Variants in OPRPN observed in about 807,000 individuals in gnomAD.
The protein encoded by OPRPN is opiorphin prepropeptide.
A neutral mutation model predicts 2.2 loss-of-function variants in OPRPN; 1 was observed. The ratio of observed to expected loss-of-function variants is 0.45; its 90% CI spans 0.16 to 2.15. OPRPN has a LOEUF of 2.15. Ranked by LOEUF, OPRPN falls within the 30% of genes most tolerant of loss-of-function variation. OPRPN has a pLI of 0.28. For synonymous variants in OPRPN, 126 were observed against 111.5 expected (o/e 1.13, Z -0.82); for missense variants, 306 against 297.3 (o/e 1.03, Z -0.21).
chr4:70,404,524 T>G (rs1733046462), intron 2 of OPRPN, among the ~76,000 whole-genome samples: 1 of 152,136 alleles, frequency 6.6e-6, no homozygotes, highest in African/African-American at 2.4e-5. Context: ...AATCTTACCC[T>G]TTCTCACCAC....
intron 2 of OPRPN, among the ~76,000 whole-genome samples, chr4:70,406,970 C>A (rs1733103017): frequency 6.6e-6 from 1 of 152,114 alleles, no homozygotes; most frequent in Non-Finnish European, 1.5e-5. Flanking sequence ...TAAAGTAGAA[C>A]TGGCACAGCA....
At chr4:70,399,611 C>T (rs942108196) in intron 2 of OPRPN, 1 of 240,028 alleles carries the variant, frequency 4.2e-6, no homozygotes, top group Non-Finnish European at 7.9e-6. Flanking sequence ...ATATCTCTTC[C>T]TTTTTATTTC....
chr4:70,409,265 G>A (rs1733157219), intron 2 of OPRPN, 115 bp from the exon 3 acceptor site: 2 of 776,642 alleles, frequency 2.6e-6, no homozygotes, highest in Non-Finnish European at 4.0e-6. Context: ...TTATGGCTTA[G>A]TATATCCTAA....
rs762225791 is a variant in OPRPN at position 70,409,460 on chromosome 4, G to T, written c.132G>T (p.Trp44Cys). 3.7e-6 allele frequency: 6 copies of T among 1,613,824 alleles called. No homozygotes were observed. The East Asian group carries it at 8.9e-5, about 24-fold the overall frequency. Residue 44 changes from tryptophan (W) to cysteine (C), a missense_variant, in exon 3 of 3, where the codon TGG becomes TGT. Transcript: ENST00000399575. ...CACCTCCACTCTACAGGCCAAGATGGGTTCCACCAAGTCCCCCACCTCCCT... is the reference window on the plus strand; with the variant it reads ...CACCTCCACTCTACAGGCCAAGATGTGTTCCACCAAGTCCCCCACCTCCCT... ...LPPPPLYRPR[W>C]VPPSPPPPYD...
intron 2 of OPRPN, among the ~76,000 whole-genome samples, chr4:70,405,713 G>C (rs1381004809): frequency 6.6e-6 from 1 of 152,080 alleles, no homozygotes; most frequent in East Asian, 1.9e-4. Flanking sequence ...AATGTTAGCA[G>C]CCATGACTTA....
At chr4:70,401,213 AC>A (rs957828687) in intron 2 of OPRPN, among the ~76,000 whole-genome samples, 81 of 152,232 alleles carry the variant, frequency 5.3e-4, no homozygotes, top group African/African-American at 1.9e-3. Context: ...TCCTAAAAAA[AC>A]ATGAGTTTAA....
chr4:70,399,349 A>G lies in OPRPN; in HGVS notation c.51+13A>G. 4 of 1,566,190 alleles carry G rather than the reference A, an allele frequency of 2.6e-6. No individual in the cohort carries two copies. The highest frequency in any genetic ancestry group is 3.5e-6 in the Non-Finnish European group (4 of 1,140,150). On this transcript the variant is annotated intron_variant, in intron 2 of 2. Coordinates refer to ENST00000399575, the MANE Select transcript of OPRPN (RefSeq NM_021225.5). ...TTCATGTTTCACAGTAAGTTCCCTCAATTCTAAATTTACTTGTTATATTTA... is the reference window on the plus strand; with the variant it reads ...TTCATGTTTCACAGTAAGTTCCCTCGATTCTAAATTTACTTGTTATATTTA...
intron 1 of OPRPN, among the ~76,000 whole-genome samples, chr4:70,398,909 T>A (rs1026998056): frequency 6.6e-6 from 1 of 151,960 alleles, no homozygotes; most frequent in Non-Finnish European, 1.5e-5. Context: ...AAGCTTTGAC[T>A]AATTTTAAGT....
intron 2 of OPRPN, among the ~76,000 whole-genome samples, chr4:70,403,414 A>G (rs1405959595): frequency 6.6e-6 from 1 of 152,230 alleles, no homozygotes; most frequent in African/African-American, 2.4e-5. Flanking sequence ...TTTGGCCCAC[A>G]GCCTTAGTTT....
At position 70,399,352 on chromosome 4, in the gene OPRPN, T is replaced by A; in HGVS notation, c.51+16T>A. The A allele has an allele frequency of 6.4e-7, 1 of 1,564,424 alleles. No homozygotes were observed. Among genetic ancestry groups the A allele is most frequent in the Non-Finnish European group, 8.8e-7 (1 of 1,138,354 alleles). ...ATGTTTCACAGTAAGTTCCCTCAAT[T>A]CTAAATTTACTTGTTATATTTATTG... On this transcript the variant is annotated intron_variant, in intron 2 of 2. Transcript: ENST00000399575.
chr4:70,404,791 C>T lies in OPRPN; in HGVS notation c.52-4589C>T, dbSNP rs180747374. Among the ~76,000 whole-genome samples, 16 of 152,286 alleles carry T rather than the reference C, an allele frequency of 1.1e-4. No homozygotes were observed. In the East Asian group the frequency reaches 2.9e-3, roughly 28 times the overall value. On this transcript the variant is annotated intron_variant, in intron 2 of 2. Coordinates refer to ENST00000399575, the MANE Select transcript of OPRPN (RefSeq NM_021225.5). ...CTGCTTTGTCCTCCCCGCACCTTAA[C>T]TCCAATATATCTATGTAACAAAATT...
intron 2 of OPRPN, among the ~76,000 whole-genome samples, chr4:70,403,612 T>C (rs1262834109): frequency 6.6e-6 from 1 of 152,198 alleles, no homozygotes; most frequent in Non-Finnish European, 1.5e-5. Flanking sequence ...TTATTTGTCA[T>C]TTTAATTATT....
At position 70,409,595 on chromosome 4, in the gene OPRPN, A is replaced by C; in HGVS notation, c.267A>C (p.Pro89=). ...CAGTCATTCTATCTCAACTCTTTCC[A>C]TTGGAATCTATTAGACAACCTCGAC... ...SQAVILSQLF[P]LESIRQPRLF... The change falls in exon 3 of 3, where the codon CCA becomes CCC. Residue 89 remains proline, a synonymous_variant. Transcript: ENST00000399575. 6.2e-7 allele frequency: 1 copy of C among 1,613,594 alleles called. No homozygotes were observed. The highest frequency in any genetic ancestry group is 8.5e-7 in the Non-Finnish European group (1 of 1,179,614).
At chr4:70,405,690 C>G (rs1174640937) in intron 2 of OPRPN, among the ~76,000 whole-genome samples, 3 of 152,118 alleles carry the variant, frequency 2.0e-5, no homozygotes, top group Non-Finnish European at 4.4e-5. Flanking sequence ...CTCTTGACAC[C>G]TATATCTTCA....
At chr4:70,404,804 A>G (rs1733052237) in intron 2 of OPRPN, among the ~76,000 whole-genome samples, 1 of 152,190 alleles carries the variant, frequency 6.6e-6, no homozygotes, top group Non-Finnish European at 1.5e-5. Flanking sequence ...CAATATATCT[A>G]TGTAACAAAA....
At chr4:70,409,008 C>A (rs981855918) in intron 2 of OPRPN, among the ~76,000 whole-genome samples, 1 of 152,146 alleles carries the variant, frequency 6.6e-6, no homozygotes, top group Non-Finnish European at 1.5e-5. Flanking sequence ...AGAATTTTCC[C>A]AGATAGTCAA....
At position 70,409,894 on chromosome 4, in the gene OPRPN, C is replaced by A. The variant is rs1232727357; in HGVS notation, c.566C>A (p.Ala189Asp). The change falls in exon 3 of 3, where the codon GCC (alanine) becomes GAC (aspartate). Residue 189 changes from alanine (A) to aspartate (D), a missense_variant. Coordinates refer to ENST00000399575, the MANE Select transcript of OPRPN (RefSeq NM_021225.5). ...TVPISSTPEP[A>D]TSISAATPAA... Reference sequence around the variant, plus strand: ...CCTATCTCTTCAACACCAGAGCCTGCCACCTCCATATCAGCAGCAACCCCC... The same window carrying A: ...CCTATCTCTTCAACACCAGAGCCTGACACCTCCATATCAGCAGCAACCCCC... The A allele has an allele frequency of 6.2e-7, 1 of 1,613,862 alleles. No individual in the cohort carries two copies. Among genetic ancestry groups the A allele is most frequent in the Admixed American group, 1.7e-5 (1 of 59,992 alleles).
In OPRPN at chr4:70,409,936, A is replaced by C. The variant is rs186028605; in HGVS notation, c.608A>C (p.Asn203Thr). 2.7e-5 allele frequency: 43 copies of C among 1,614,056 alleles called. No individual in the cohort carries two copies. In the African/African-American group the frequency reaches 5.6e-4, roughly 21 times the overall value. ...SAATPAASTENTTQILANRPH... is the reference protein window; with the variant it reads ...SAATPAASTETTTQILANRPH... Reference sequence around the variant, plus strand: ...GCAACCCCCGCAGCATCTACTGAAAATACTACTCAAATTCTCGCCAACCGT... The same window carrying C: ...GCAACCCCCGCAGCATCTACTGAAACTACTACTCAAATTCTCGCCAACCGT... The change falls in exon 3 of 3, where the codon AAT becomes ACT. Residue 203 changes from asparagine (N) to threonine (T), a missense_variant. Coordinates refer to ENST00000399575, the MANE Select transcript of OPRPN (RefSeq NM_021225.5).
chr4:70,403,326 C>T (rs879375953), intron 2 of OPRPN, among the ~76,000 whole-genome samples: 14 of 152,110 alleles, frequency 9.2e-5, no homozygotes, highest in Non-Finnish European at 1.8e-4. Context: ...GCTGAGGTAG[C>T]TTGAAAGCAG....
Sources: gnomAD v4.1 joint callset for allele counts (sites outside exome capture counted in the v4.1 genomes callset) on GRCh38, gnomAD v4.1.1 for gene constraint, MANE v1.5 for transcripts, NCBI Gene and HGNC (gene_info 2026-07-23, HGNC 2026-07-21) for gene names.